ANP32E: variants seen among roughly 807,000 people sequenced by gnomAD.
The protein encoded by ANP32E is acidic nuclear phosphoprotein 32 family member E.
Under a neutral mutation model 35.3 loss-of-function variants are expected in ANP32E, and 14 were observed. That is an observed-to-expected ratio of 0.40 (90% confidence interval 0.26 to 0.62). ANP32E has a LOEUF of 0.62. Ranked by LOEUF, ANP32E falls within the 20% of genes least tolerant of loss-of-function variation. The pLI is 0.45. For missense variants in ANP32E, 198 were observed against 304.4 expected (o/e 0.65, Z 2.60); for synonymous variants, 89 against 110.4 (o/e 0.81, Z 1.22).
intron 3 of ANP32E, among the ~76,000 whole-genome samples, chr1:150,229,465 T>A (rs1442236979): frequency 6.6e-6 from 1 of 151,058 alleles, no homozygotes; most frequent in Non-Finnish European, 1.5e-5. Context: ...GCCCCGCTAA[T>A]TTTTGTGTTT....
At chr1:150,224,887 C>T (rs1648742405) in intron 5 of ANP32E, among the ~76,000 whole-genome samples, 1 of 152,110 alleles carries the variant, frequency 6.6e-6, no homozygotes, top group African/African-American at 2.4e-5. Context: ...CTGTAGATAA[C>T]TTGTTCTAGT....
chr1:150,235,619 G>A lies in ANP32E; in HGVS notation c.54+114C>T, dbSNP rs1348163611. On this transcript the variant is annotated intron_variant, in intron 1 of 6. Transcript: ENST00000583931. The surrounding 1 kb of genome is among the most constrained non-coding windows in gnomAD (Gnocchi z 4.2). ...AAACATTTCCCCAACCCTAACCCGG[G>A]GGGATGGGGGCTAACTTATTACTCC... The A allele has an allele frequency of 9.0e-7, 1 of 1,110,680 alleles. No homozygotes were observed. 68.8% of individuals were successfully genotyped at this position (1,110,680 alleles called of 1,614,324 possible).
chr1:150,223,878 T>C (rs1187580278), intron 5 of ANP32E, among the ~76,000 whole-genome samples: 1 of 151,768 alleles, frequency 6.6e-6, no homozygotes, highest in Non-Finnish European at 1.5e-5. Flanking sequence ...CCCGATTAGC[T>C]GGGATTACAG....
At chr1:150,227,340 C>T (rs1364866364) in intron 4 of ANP32E, among the ~76,000 whole-genome samples, 1 of 152,052 alleles carries the variant, frequency 6.6e-6, no homozygotes, top group African/African-American at 2.4e-5. Context: ...AGACATGGAA[C>T]CAACCTAGGT....
rs1553839951 is a variant in ANP32E, at chr1:150,226,271, T to TAAGATTAC, written c.681+336_681+337insGTAATCTT. On this transcript the variant is annotated intron_variant, in intron 5 of 6. Coordinates refer to ENST00000583931, the MANE Select transcript of ANP32E (RefSeq NM_030920.5). ...ATCCACTTGCCTCAGCCTCCAAAAG[T>TAAGATTAC]ACTGGGATTACAGGTGTGAGCCACC... Among the ~76,000 whole-genome samples the TAAGATTAC allele has an allele frequency of 5.9e-5, 9 of 152,158 alleles. 1 individual carries two copies. The highest frequency in any genetic ancestry group is 3.2e-3 in the Middle Eastern group (1 of 316).
intron 6 of ANP32E, among the ~76,000 whole-genome samples, chr1:150,222,536 G>A (rs973091621): frequency 1.3e-5 from 2 of 151,534 alleles, no homozygotes; most frequent in South Asian, 2.1e-4. Context: ...TGGGCAGATC[G>A]TTTGAACCCA....
At chr1:150,230,746 CT>C (rs11412482) in intron 2 of ANP32E, 53 bp from the exon 3 acceptor site, 217 of 1,236,594 alleles carry the variant, frequency 1.8e-4, no homozygotes, top group South Asian at 2.5e-4. Context: ...TCATATCAAA[CT>C]TTTTTTTTTT....
At position 150,235,993 on chromosome 1, in the gene ANP32E, C is replaced by T. The variant is rs1649750705; in HGVS notation, c.-207G>A. 5.2e-6 allele frequency: 3 copies of T among 578,112 alleles called. No individual in the cohort carries two copies. Among genetic ancestry groups the T allele is most frequent in the South Asian group, 2.0e-5 (1 of 49,538 alleles). The allele number at this position is 578,112 out of a possible 1,614,324, so 35.8% of individuals were successfully genotyped here. A position where few individuals can be genotyped will look rare whatever the true frequency, so the allele number is the denominator to read the frequency against. Reference sequence around the variant, plus strand: ...GTTGGGACTCTAACTCAGCTGCCCCCACCTCCTTGTCCACACACTAGCGCG... The same window carrying T: ...GTTGGGACTCTAACTCAGCTGCCCCTACCTCCTTGTCCACACACTAGCGCG... On this transcript the variant is annotated 5_prime_UTR_variant, in exon 1 of 7. It introduces an in-frame stop codon into an upstream open reading frame of the 5' UTR. Coordinates refer to ENST00000583931, the MANE Select transcript of ANP32E (RefSeq NM_030920.5). This position sits in a 1 kb window ranked among gnomAD's most constrained non-coding sequence, Gnocchi z 4.2.
intron 4 of ANP32E, among the ~76,000 whole-genome samples, chr1:150,228,697 TAA>T (rs782529457): frequency 2.1e-5 from 3 of 142,682 alleles, no homozygotes; most frequent in Admixed American, 7.1e-5. Flanking sequence ...CCTCTCAACA[TAA>T]AAAAAAAAAA....
chr1:150,235,709 G>A lies in ANP32E; in HGVS notation c.54+24C>T. 6.2e-7 allele frequency: 1 copy of A among 1,613,550 alleles called. No homozygotes were observed. The highest frequency in any genetic ancestry group is 1.7e-5 in the Admixed American group (1 of 59,936). On this transcript the variant is annotated intron_variant, in intron 1 of 6. Transcript: ENST00000583931. This position sits in a 1 kb window ranked among gnomAD's most constrained non-coding sequence, Gnocchi z 4.2. Reference sequence around the variant, plus strand: ...CTCAGAATACTGGACTGATGGGGAAGCGGTGGGGGCTGAGTCATCTCACCT... The same window carrying A: ...CTCAGAATACTGGACTGATGGGGAAACGGTGGGGGCTGAGTCATCTCACCT...
intron 5 of ANP32E, among the ~76,000 whole-genome samples, chr1:150,225,412 G>A (rs1258791558): frequency 6.6e-6 from 1 of 152,096 alleles, no homozygotes; most frequent in Non-Finnish European, 1.5e-5. Flanking sequence ...GCTCACACCT[G>A]TAATCCCAGC....
At position 150,225,665 on chromosome 1, in the gene ANP32E, T is replaced by TCAAAAAAAAAAAAA. The variant is rs1339242877; in HGVS notation, c.681+942_681+943insTTTTTTTTTTTTTG. Among the ~76,000 whole-genome samples the TCAAAAAAAAAAAAA allele has an allele frequency of 6.0e-5, 5 of 83,548 alleles. 2 individuals carry two copies. The highest frequency in any genetic ancestry group is 2.8e-4 in the African/African-American group (5 of 18,078). The allele number at this position is 83,548 out of a possible 152,430, so 54.8% of individuals were successfully genotyped here. On this transcript the variant is annotated intron_variant, in intron 5 of 6. Coordinates refer to ENST00000583931, the MANE Select transcript of ANP32E (RefSeq NM_030920.5). ...CAGCCTGGGCAACAGAGTGAGACTG[T>TCAAAAAAAAAAAAA]AACAAAAAAAAAAAAAAAAAAAAAA...
intron 2 of ANP32E, among the ~76,000 whole-genome samples, chr1:150,231,353 GGGAGGCCGAGGC>G (rs1649331431): frequency 1.3e-5 from 2 of 152,174 alleles, no homozygotes; most frequent in Middle Eastern, 3.2e-3. Context: ...CCAGCACTGT[GGGAGGCCGAGGC>G]AGGAGGATGA....
intron 3 of ANP32E, 86 bp downstream of exon 3, chr1:150,230,485 A>G (rs1649269647): frequency 4.5e-6 from 6 of 1,332,750 alleles, no homozygotes; most frequent in Non-Finnish European, 5.0e-6. Context: ...AAGTTTTAAG[A>G]GTTAAATAGA....
At chr1:150,224,390 C>G (rs1217441538) in intron 5 of ANP32E, among the ~76,000 whole-genome samples, 2 of 151,888 alleles carry the variant, frequency 1.3e-5, no homozygotes, top group Non-Finnish European at 2.9e-5. Flanking sequence ...CTGGCCAACA[C>G]AGTGAAACCC....
Position 150,220,482 on chromosome 1 carries a change from G to A in ANP32E, c.*209C>T, listed in dbSNP as rs782333196. ...ATTGCTAGGGAATTCCACAATGGGAGTCAATGAAAATTTTTCTCTACATAC... is the reference window on the plus strand; with the variant it reads ...ATTGCTAGGGAATTCCACAATGGGAATCAATGAAAATTTTTCTCTACATAC... On this transcript the variant is annotated 3_prime_UTR_variant, in exon 7 of 7. Coordinates refer to ENST00000583931, the MANE Select transcript of ANP32E (RefSeq NM_030920.5). The A allele has an allele frequency of 1.6e-5, 8 of 491,076 alleles. No homozygotes were observed. Among genetic ancestry groups the A allele is most frequent in the Admixed American group, 3.5e-5 (1 of 28,264 alleles). The allele number at this position is 491,076 out of a possible 1,614,324, so 30.4% of individuals were successfully genotyped here. A position where few individuals can be genotyped will look rare whatever the true frequency, so the allele number is the denominator to read the frequency against.
In ANP32E at chr1:150,235,896, A is replaced by C; in HGVS notation, c.-110T>G. 1.4e-6 allele frequency: 1 copy of C among 734,252 alleles called. No individual in the cohort carries two copies. The highest frequency in any genetic ancestry group is 2.3e-6 in the Non-Finnish European group (1 of 425,934). 45.5% of individuals were successfully genotyped at this position (734,252 alleles called of 1,614,324 possible). A position where few individuals can be genotyped will look rare whatever the true frequency, so the allele number is the denominator to read the frequency against. The stretch of plus-strand genomic sequence containing the variant: ...TTAGAAATGAATGAAAAGGAACGCA[A>C]ATATAAACGCCCACTACCACCACCA... On this transcript the variant is annotated 5_prime_UTR_variant, in exon 1 of 7. It adds an upstream start codon to the 5' untranslated region. Transcript: ENST00000583931. The surrounding 1 kb of genome is among the most constrained non-coding windows in gnomAD (Gnocchi z 4.2).
intron 1 of ANP32E, among the ~76,000 whole-genome samples, chr1:150,232,151 C>A (rs1397150982): frequency 6.6e-6 from 1 of 151,252 alleles, no homozygotes; most frequent in East Asian, 2.0e-4. Flanking sequence ...GAGACCATCC[C>A]GGCTAAAACG....
At position 150,229,240 on chromosome 1, in the gene ANP32E, G is replaced by T; in HGVS notation, c.328-3C>A. The T allele has an allele frequency of 1.3e-6, 2 of 1,522,168 alleles. No individual in the cohort carries two copies. Among genetic ancestry groups the T allele is most frequent in the Non-Finnish European group, 8.9e-7 (1 of 1,128,524 alleles). 94.3% of individuals were successfully genotyped at this position (1,522,168 alleles called of 1,614,324 possible). On this transcript the variant is annotated splice_region_variant and splice_polypyrimidine_tract_variant and intron_variant, in intron 3 of 6. Transcript: ENST00000583931. ...CTTTTCAAATTTTTAAGATTTTGCT[G>T]GAAAAGTAAAGTTAAAACTTACATT...
Sources: gnomAD v4.1 joint callset for allele counts (sites outside exome capture counted in the v4.1 genomes callset) on GRCh38, gnomAD v4.1.1 for gene constraint, Gnocchi (gnomAD v3.1) non-coding constraint, MANE v1.5 for transcripts, NCBI Gene and HGNC (gene_info 2026-07-23, HGNC 2026-07-21) for gene names.